The following CELF2 variants were observed in gnomAD, a reference collection of about 807,000 sequenced individuals.
CELF2 encodes CUG triplet repeat RNA-binding protein 2.
A neutral mutation model predicts 62.6 loss-of-function variants in CELF2; 8 were observed. The ratio of observed to expected loss-of-function variants is 0.13; its 90% CI spans 0.07 to 0.23. The LOEUF (loss-of-function observed/expected upper bound fraction) is 0.23, where lower values mean the gene tolerates loss of function less well. Among genes scored for constraint, CELF2 ranks in the 10% least tolerant of loss-of-function variants. The probability of loss-of-function intolerance (pLI) is 1.00; values close to 1 mark genes in which losing one functional copy is unlikely to be tolerated. For missense variants in CELF2, 333 were observed against 671.0 expected (o/e 0.50, Z 5.56); for synonymous variants, 258 against 250.0 (o/e 1.03, Z -0.30).
At chr10:10,617,084 A>C in the CELF2 span, among the ~76,000 whole-genome samples, 2 of 152,148 alleles carry the variant, frequency 1.3e-5, no homozygotes, top group African/African-American at 4.8e-5. Flanking sequence ...AATTGAAAAA[A>C]TTCCTGGATC....
intron 3 of CELF2, among the ~76,000 whole-genome samples, chr10:11,245,894 T>C (rs971373961): frequency 1.3e-5 from 2 of 152,134 alleles, no homozygotes; most frequent in African/African-American, 4.8e-5. Flanking sequence ...GGAGAAGCAG[T>C]GTGGTTTAGG....
At chr10:10,924,280 C>CA (rs1564827054) in intron 2 of CELF2, among the ~76,000 whole-genome samples, 1 of 52,642 alleles carries the variant, frequency 1.9e-5, no homozygotes, top group Non-Finnish European at 4.8e-5. Flanking sequence ...AGACTCCGTC[C>CA]CAAAAAAAAA....
chr10:10,574,649 T>C, the CELF2 span, among the ~76,000 whole-genome samples: 1 of 152,160 alleles, frequency 6.6e-6, no homozygotes, highest in African/African-American at 2.4e-5. Flanking sequence ...TGAAGTATAA[T>C]ATGTACAAAC....
At chr10:10,658,603 A>G in the CELF2 span, among the ~76,000 whole-genome samples, 1 of 152,218 alleles carries the variant, frequency 6.6e-6, no homozygotes, top group African/African-American at 2.4e-5. Context: ...TTTTATCATC[A>G]AAGTATTTTA....
chr10:11,189,387 G>T (rs889831223), intron 2 of CELF2, among the ~76,000 whole-genome samples: 10 of 151,828 alleles, frequency 6.6e-5, no homozygotes, highest in African/African-American at 1.2e-4. Flanking sequence ...AATTTTTTTT[G>T]AATCCACTCC....
At chr10:10,981,039 G>T (rs747496454) in intron 2 of CELF2, among the ~76,000 whole-genome samples, 1 of 152,210 alleles carries the variant, frequency 6.6e-6, no homozygotes, top group Non-Finnish European at 1.5e-5. Context: ...TAGTGCAGGG[G>T]TCTATGCATT....
chr10:11,125,958 A>G (rs2058618670), intron 1 of CELF2, among the ~76,000 whole-genome samples: 1 of 152,148 alleles, frequency 6.6e-6, no homozygotes, highest in Non-Finnish European at 1.5e-5. Context: ...TTTCCTGTCA[A>G]CACACGCTTA....
At chr10:10,837,398 C>G (rs1591001736) in intron 1 of CELF2, among the ~76,000 whole-genome samples, 1 of 152,166 alleles carries the variant, frequency 6.6e-6, no homozygotes, top group East Asian at 1.9e-4. Context: ...TCCATTAAAC[C>G]TCTTTTTCTT....
At chr10:11,291,900 A>G (rs1288472302) in intron 9 of CELF2, among the ~76,000 whole-genome samples, 1 of 152,164 alleles carries the variant, frequency 6.6e-6, no homozygotes, top group East Asian at 1.9e-4. Context: ...ACACATGAAT[A>G]TTTTTTGGTA....
intron 3 of CELF2, 119 bp from the exon 4 acceptor site, chr10:11,249,034 A>C (rs2653522): frequency 0.63 from 474,792 of 751,490 alleles, 152,359 homozygotes; most frequent in East Asian, 0.81. Context: ...TACCTGGAGA[A>C]GTCTTGTTGT....
chr10:10,576,221 G>A, the CELF2 span, among the ~76,000 whole-genome samples: 2 of 152,138 alleles, frequency 1.3e-5, no homozygotes, highest in African/African-American at 4.8e-5. Flanking sequence ...GAAGTTCAAG[G>A]ACTAAGGGTC....
chr10:10,572,813 A>G, the CELF2 span, among the ~76,000 whole-genome samples: 14 of 152,200 alleles, frequency 9.2e-5, no homozygotes, highest in Non-Finnish European at 1.8e-4. Context: ...TAGTGCTGCA[A>G]TGAACATACG....
the CELF2 span, among the ~76,000 whole-genome samples, chr10:10,579,447 T>C: frequency 3.9e-5 from 6 of 152,152 alleles, no homozygotes; most frequent in Admixed American, 3.9e-4. Context: ...CAAGGATTAA[T>C]ATAGGTTGTT....
At chr10:10,777,462 C>T in the CELF2 span, among the ~76,000 whole-genome samples, 1 of 152,164 alleles carries the variant, frequency 6.6e-6, no homozygotes, top group Admixed American at 6.5e-5. Flanking sequence ...ACACCTCACC[C>T]CTCTATCTCC....
At chr10:10,978,416 A>C (rs1478901940) in intron 2 of CELF2, among the ~76,000 whole-genome samples, 1 of 152,154 alleles carries the variant, frequency 6.6e-6, no homozygotes, top group Non-Finnish European at 1.5e-5. Context: ...TTTCATTTAC[A>C]TTTATGCTTT....
At chr10:10,576,804 T>A in the CELF2 span, among the ~76,000 whole-genome samples, 155 of 152,290 alleles carry the variant, frequency 1.0e-3, 4 homozygotes, top group South Asian at 0.032. Flanking sequence ...CCAGAGTAAC[T>A]GGTATAAAGT....
At chr10:11,158,318 C>A (rs898622056) in intron 1 of CELF2, among the ~76,000 whole-genome samples, 1 of 152,134 alleles carries the variant, frequency 6.6e-6, no homozygotes, top group Admixed American at 6.5e-5. Flanking sequence ...TGAGCTCAGC[C>A]GCAGGAGAGA....
rs146772289 is a variant in CELF2 at position 10,952,466 on chromosome 10, G to C, written c.89+32467G>C. Among the ~76,000 whole-genome samples, 3 of 152,340 alleles carry C rather than the reference G, an allele frequency of 2.0e-5. No individual in the cohort carries two copies. In the East Asian group the frequency reaches 5.8e-4, roughly 29 times the overall value. ...GAGAAGAAAGACAGTGAGCGAGCAA[G>C]GAAGTCAGGAATGAAGGCTTCCAGC... On this transcript the variant is annotated intron_variant, in intron 2 of 13. Coordinates refer to the CELF2 transcript ENST00000636488.
intron 2 of CELF2, among the ~76,000 whole-genome samples, chr10:11,166,891 G>C (rs1307445666): frequency 6.6e-6 from 1 of 152,268 alleles, no homozygotes; most frequent in African/African-American, 2.4e-5. Flanking sequence ...GTTGTTGCCA[G>C]GGTCTGGCAG....
Sources: allele counts gnomAD v4.1 joint callset (sites outside exome capture counted in the v4.1 genomes callset), GRCh38; gene constraint gnomAD v4.1.1; transcripts MANE v1.5; gene names NCBI Gene and HGNC (gene_info 2026-07-23, HGNC 2026-07-21).